Variants in DENND1A observed in about 807,000 individuals in gnomAD.
The protein encoded by DENND1A is DENN domain-containing protein 1A.
A neutral mutation model predicts 113.7 loss-of-function variants in DENND1A; 51 were observed. The ratio of observed to expected loss-of-function variants is 0.45; its 90% confidence interval spans 0.36 to 0.57. DENND1A has a LOEUF of 0.57. DENND1A is among the 20% of genes least tolerant of loss of function. The probability of loss-of-function intolerance (pLI) is 0.00; values close to 1 mark genes in which losing one functional copy is unlikely to be tolerated. For synonymous variants in DENND1A, 565 were observed against 570.8 expected, an observed-to-expected ratio of 0.99 and a Z score of 0.14; for missense variants, 1,258 against 1,395.9, an observed-to-expected ratio of 0.90 and a Z score of 1.57.
intron 22 of DENND1A, among the ~76,000 whole-genome samples, chr9:123,384,676 G>C (rs923170025): frequency 6.6e-6 from 1 of 152,136 alleles, no homozygotes; most frequent in Non-Finnish European, 1.5e-5. Flanking sequence ...GGCTGGGCAC[G>C]GTGGCTCACG....
chr9:123,420,820 G>T (rs2045219252), intron 19 of DENND1A, among the ~76,000 whole-genome samples: 1 of 150,748 alleles, frequency 6.6e-6, no homozygotes, highest in Admixed American at 6.6e-5. Flanking sequence ...AAGGCTGCGT[G>T]GGGGCCGGGT....
At chr9:123,674,335 C>G in intron 6 of DENND1A, among the ~76,000 whole-genome samples, 1 of 125,310 alleles carries the variant, frequency 8.0e-6, no homozygotes, top group South Asian at 2.4e-4. Context: ...CTGTCTCTGT[C>G]TCTCTCTCAC....
chr9:123,912,840 G>A (rs1854273121), intron 1 of DENND1A, among the ~76,000 whole-genome samples: 1 of 152,020 alleles, frequency 6.6e-6, no homozygotes, highest in Non-Finnish European at 1.5e-5. Context: ...GATGAAATGG[G>A]ACAAGACCAC....
At chr9:123,782,643 T>A (rs1831501962) in intron 3 of DENND1A, among the ~76,000 whole-genome samples, 2 of 152,170 alleles carry the variant, frequency 1.3e-5, no homozygotes, top group Admixed American at 6.5e-5. Flanking sequence ...GAAATCTACC[T>A]GGGGGATGTA....
intron 13 of DENND1A, among the ~76,000 whole-genome samples, chr9:123,499,191 G>C (rs992826420): frequency 2.0e-5 from 3 of 151,822 alleles, no homozygotes; most frequent in African/African-American, 7.3e-5. Flanking sequence ...ACGCCACCAC[G>C]CCTGGCTACT....
intron 13 of DENND1A, among the ~76,000 whole-genome samples, chr9:123,495,519 G>C (rs1377262652): frequency 6.6e-6 from 1 of 152,184 alleles, no homozygotes; most frequent in East Asian, 1.9e-4. Context: ...AAGACATCTG[G>C]GGGAGGAGGC....
At chr9:123,495,152 TCTCTCTC>T (rs1447234200) in intron 13 of DENND1A, among the ~76,000 whole-genome samples, 1 of 149,994 alleles carries the variant, frequency 6.7e-6, no homozygotes, top group East Asian at 1.9e-4. Flanking sequence ...TCTCTCTCTC[TCTCTCTC>T]TCTCTCTCTC....
chr9:123,880,188 A>AT (rs1848117909), intron 1 of DENND1A, among the ~76,000 whole-genome samples: 1 of 151,866 alleles, frequency 6.6e-6, no homozygotes, highest in South Asian at 2.1e-4. Context: ...AATCTTTTGT[A>AT]TTTTAGTAGA....
chr9:123,546,376 G>A (rs980910556), intron 13 of DENND1A, among the ~76,000 whole-genome samples: 30 of 150,926 alleles, frequency 2.0e-4, no homozygotes, highest in African/African-American at 3.4e-4. Flanking sequence ...GTGAAACCCC[G>A]TCTCTACTAA....
chr9:123,395,767 G>A (rs574408722), intron 21 of DENND1A, among the ~76,000 whole-genome samples: 1 of 152,244 alleles, frequency 6.6e-6, no homozygotes, highest in South Asian at 2.1e-4. Context: ...AATCACACCT[G>A]GCACACAGTA....
intron 1 of DENND1A, among the ~76,000 whole-genome samples, chr9:123,915,236 G>A (rs979632206): frequency 6.6e-6 from 1 of 151,992 alleles, no homozygotes; most frequent in Non-Finnish European, 1.5e-5. Flanking sequence ...AAATTACTGT[G>A]ACCCTGATGT....
intron 13 of DENND1A, among the ~76,000 whole-genome samples, chr9:123,548,590 G>A (rs2056853896): frequency 6.6e-6 from 1 of 152,144 alleles, no homozygotes; most frequent in African/African-American, 2.4e-5. Flanking sequence ...TTGCAAGCAG[G>A]TGTTCAACTA....
intron 20 of DENND1A, among the ~76,000 whole-genome samples, chr9:123,408,540 G>A (rs993615863): frequency 1.3e-5 from 2 of 152,102 alleles, no homozygotes; most frequent in Non-Finnish European, 2.9e-5. Context: ...GCCTAAGGTC[G>A]CACAGCCAGG....
At chr9:123,551,967 T>C (rs965411323) in intron 13 of DENND1A, among the ~76,000 whole-genome samples, 7 of 150,100 alleles carry the variant, frequency 4.7e-5, no homozygotes, top group Admixed American at 4.6e-4. Flanking sequence ...ATTCTGAATT[T>C]TTTCATTAGG....
chr9:123,902,209 A>G (rs1018925732), intron 1 of DENND1A, among the ~76,000 whole-genome samples: 8 of 150,644 alleles, frequency 5.3e-5, no homozygotes, highest in African/African-American at 2.5e-5. Flanking sequence ...ACACACACAT[A>G]CACACACACG....
intron 13 of DENND1A, among the ~76,000 whole-genome samples, chr9:123,548,877 G>C (rs1564696895): frequency 6.6e-6 from 1 of 152,284 alleles, no homozygotes; most frequent in East Asian, 1.9e-4. Flanking sequence ...CATAGAGACA[G>C]AAAGTAGACT....
chr9:123,794,861 G>A (rs1355443877), intron 2 of DENND1A, among the ~76,000 whole-genome samples: 5 of 152,058 alleles, frequency 3.3e-5, no homozygotes, highest in Admixed American at 3.3e-4. Flanking sequence ...TTAACACATT[G>A]AAGATAAAGA....
At chr9:123,585,011 C>T (rs2059094377) in intron 11 of DENND1A, among the ~76,000 whole-genome samples, 1 of 152,172 alleles carries the variant, frequency 6.6e-6, no homozygotes, top group South Asian at 2.1e-4. Flanking sequence ...TAGGGCAGAA[C>T]ATGGTACCTA....
chr9:123,805,537 G>A (rs1045373318), intron 2 of DENND1A, among the ~76,000 whole-genome samples: 11 of 151,506 alleles, frequency 7.3e-5, no homozygotes, highest in African/African-American at 1.9e-4. Flanking sequence ...GGGTTCAAGC[G>A]ATTATCCTGC....
Sources: allele counts gnomAD v4.1 joint callset (sites outside exome capture counted in the v4.1 genomes callset), GRCh38; gene constraint gnomAD v4.1.1; transcripts MANE v1.5; gene names NCBI Gene and HGNC (gene_info 2026-07-23, HGNC 2026-07-21).